MTBP: variants seen among roughly 807,000 people sequenced by gnomAD.
MTBP encodes the protein mdm2-binding protein.
MTBP carries 101 observed loss-of-function variants against 117.0 expected under a neutral mutation model. The ratio of observed to expected loss-of-function variants is 0.86; its 90% CI spans 0.73 to 1.02. The LOEUF (loss-of-function observed/expected upper bound fraction) is 1.02, where lower values mean the gene tolerates loss of function less well. Ranked by LOEUF, MTBP falls within the 50% of genes least tolerant of loss-of-function variation. The pLI is 0.00. For missense variants in MTBP, 970 were observed against 1,030.9 expected, an observed-to-expected ratio of 0.94 and a Z score of 0.81; for synonymous variants, 350 against 351.5, an observed-to-expected ratio of 1.00 and a Z score of 0.05.
chr8:120,497,299 A>T (rs1814486733), intron 13 of MTBP, 94 bp from the exon 14 acceptor site: 1 of 1,118,142 alleles, frequency 8.9e-7, no homozygotes, highest in Admixed American at 2.9e-5. Flanking sequence ...AGAGAAATTC[A>T]CTTGTTTTAC....
chr8:120,474,863 G>GA (rs1317796678), intron 11 of MTBP, among the ~76,000 whole-genome samples: 5 of 151,932 alleles, frequency 3.3e-5, no homozygotes, highest in South Asian at 2.1e-4. Flanking sequence ...TCACTGACTA[G>GA]AAAAAATCCC....
chr8:120,515,605 T>C (rs1814902445), intron 17 of MTBP, among the ~76,000 whole-genome samples: 1 of 152,044 alleles, frequency 6.6e-6, no homozygotes, highest in Admixed American at 6.6e-5. Context: ...CAGGGGTTGG[T>C]AGAGTTTTAA....
chr8:120,490,391 C>T (rs1439108734), intron 12 of MTBP, 72 bp from the exon 13 acceptor site: 3 of 901,528 alleles, frequency 3.3e-6, no homozygotes, highest in African/African-American at 3.4e-5. Context: ...TAACACATTT[C>T]CCAGGAACTG....
In MTBP at chr8:120,516,388, G is replaced by A. The variant is rs987032757; in HGVS notation, c.2246+197G>A. Reference sequence around the variant, plus strand: ...AAAAACACAGTTTCTTGCTTTATATGCTAATATACAGTCCATTAGCACAAT... The same window carrying A: ...AAAAACACAGTTTCTTGCTTTATATACTAATATACAGTCCATTAGCACAAT... On this transcript the variant is annotated intron_variant, in intron 18 of 21. Coordinates refer to ENST00000305949, the MANE Select transcript of MTBP (RefSeq NM_022045.5). Among the ~76,000 whole-genome samples the A allele has an allele frequency of 5.9e-5, 9 of 152,060 alleles. No individual in the cohort carries two copies. The East Asian group carries it at 1.4e-3, about 23-fold the overall frequency.
At chr8:120,475,899 AT>A (rs1447643033) in intron 11 of MTBP, among the ~76,000 whole-genome samples, 3 of 152,104 alleles carry the variant, frequency 2.0e-5, no homozygotes, top group Non-Finnish European at 1.5e-5. Context: ...TAGATAAGTA[AT>A]AAAAAATTGT....
intron 7 of MTBP, 37 bp downstream of exon 7, chr8:120,456,707 T>C (rs373848089): frequency 3.0e-6 from 3 of 1,012,884 alleles, no homozygotes; most frequent in Non-Finnish European, 4.6e-6. Flanking sequence ...AGTAGGCCTT[T>C]CAATTTTATT....
chr8:120,510,209 ATGAT>A (rs1814771285), intron 17 of MTBP, among the ~76,000 whole-genome samples, 180 bp downstream of exon 17: 1 of 152,236 alleles, frequency 6.6e-6, no homozygotes, highest in East Asian at 1.9e-4. Flanking sequence ...AAGTTATTTG[ATGAT>A]TAATCAGCTT....
intron 11 of MTBP, among the ~76,000 whole-genome samples, chr8:120,482,958 C>T (rs1022875104): frequency 6.6e-6 from 1 of 151,850 alleles, no homozygotes; most frequent in South Asian, 2.1e-4. Flanking sequence ...CTCAGCCTCC[C>T]AAAGTGCTGG....
At chr8:120,455,952 T>C (rs1813460514) in intron 6 of MTBP, among the ~76,000 whole-genome samples, 1 of 152,136 alleles carries the variant, frequency 6.6e-6, no homozygotes, top group Non-Finnish European at 1.5e-5. Flanking sequence ...TATGATATTC[T>C]AGCAAGGATT....
intron 2 of MTBP, among the ~76,000 whole-genome samples, chr8:120,448,052 C>T (rs1813264569): frequency 6.6e-6 from 1 of 152,096 alleles, no homozygotes; most frequent in Admixed American, 6.6e-5. Context: ...CTACCTTAGC[C>T]TCCTGAGTAG....
chr8:120,518,897 T>C (rs1267433190), intron 20 of MTBP, 80 bp downstream of exon 20: 1 of 912,588 alleles, frequency 1.1e-6, no homozygotes, highest in Non-Finnish European at 1.7e-6. Context: ...AGTTTGAGTA[T>C]TTTTTATACT....
At position 120,470,080 on chromosome 8, in the gene MTBP, C is replaced by T. The variant is rs1415608053; in HGVS notation, c.1048-740C>T. Among the ~76,000 whole-genome samples the T allele has an allele frequency of 2.0e-5, 3 of 152,160 alleles. No homozygotes were observed. The East Asian group carries it at 5.8e-4, about 29-fold the overall frequency. On this transcript the variant is annotated intron_variant, in intron 10 of 21. Coordinates refer to ENST00000305949, the MANE Select transcript of MTBP (RefSeq NM_022045.5). ...TACTGAGATGTGATTGATATAGCTG[C>T]ATTTCTAAAATAACAGGAAAAATAT... is the stretch of plus-strand genomic sequence containing the variant.
intron 13 of MTBP, among the ~76,000 whole-genome samples, chr8:120,493,535 G>A (rs960397292): frequency 2.0e-5 from 3 of 151,560 alleles, no homozygotes; most frequent in Non-Finnish European, 4.4e-5. Flanking sequence ...CTGTCACCCA[G>A]GCTGGAGTGC....
At chr8:120,466,743 G>A (rs114357054) in intron 10 of MTBP, among the ~76,000 whole-genome samples, 2,039 of 151,930 alleles carry the variant, frequency 0.013, 43 homozygotes, top group African/African-American at 0.046. Flanking sequence ...GCAAGGAGGC[G>A]CTTGCCTGTA....
chr8:120,508,963 A>G (rs985683141), intron 16 of MTBP, among the ~76,000 whole-genome samples: 2 of 152,162 alleles, frequency 1.3e-5, no homozygotes, highest in African/African-American at 4.8e-5. Context: ...ATATCGCTGT[A>G]GTTCTAGGTG....
At chr8:120,449,547 G>A (rs1042881744) in intron 2 of MTBP, among the ~76,000 whole-genome samples, 2 of 152,110 alleles carry the variant, frequency 1.3e-5, no homozygotes, top group African/African-American at 4.8e-5. Context: ...AATTATTTTT[G>A]CACCAATTAA....
chr8:120,467,597 T>C (rs962147323), intron 10 of MTBP, among the ~76,000 whole-genome samples: 11 of 152,144 alleles, frequency 7.2e-5, no homozygotes, highest in African/African-American at 2.7e-4. Context: ...CAGGGTGAGA[T>C]TGTCTCAAAA....
At chr8:120,495,085 T>G (rs528750805) in intron 13 of MTBP, among the ~76,000 whole-genome samples, 1 of 152,290 alleles carries the variant, frequency 6.6e-6, no homozygotes, top group East Asian at 1.9e-4. Flanking sequence ...ATTCTCCTTT[T>G]TCTTGGATTA....
Position 120,499,065 on chromosome 8 carries a change from A to G in MTBP, c.1609+1511A>G, listed in dbSNP as rs1814528289. Among the ~76,000 whole-genome samples, 3 of 152,096 alleles carry G rather than the reference A, an allele frequency of 2.0e-5. No homozygotes were observed. The South Asian group carries it at 6.3e-4, about 32-fold the overall frequency. Reference sequence around the variant, plus strand: ...GTCAGATTATGTCACTCCTTTGCCCAGACCTTCTTGATTGCTTCTAATTGC... The same window carrying G: ...GTCAGATTATGTCACTCCTTTGCCCGGACCTTCTTGATTGCTTCTAATTGC... On this transcript the variant is annotated intron_variant, in intron 14 of 21. Coordinates refer to ENST00000305949, the MANE Select transcript of MTBP (RefSeq NM_022045.5).
Sources: gnomAD v4.1 joint callset for allele counts (sites outside exome capture counted in the v4.1 genomes callset) on GRCh38, gnomAD v4.1.1 for gene constraint, MANE v1.5 for transcripts, NCBI Gene and HGNC (gene_info 2026-07-23, HGNC 2026-07-21) for gene names.